The following GRM3 variants were observed in gnomAD, a reference collection of about 807,000 sequenced individuals.
GRM3 encodes the protein glutamate metabotropic receptor 3.
A neutral mutation model predicts 70.5 loss-of-function variants in GRM3; 26 were observed. The observed-to-expected ratio is 0.37, with a 90% CI of 0.27 to 0.51. GRM3 has a LOEUF of 0.51. Among genes scored for constraint, GRM3 ranks in the 20% least tolerant of loss-of-function variants. The pLI is 0.93. For missense variants in GRM3, 859 were observed against 1,123.8 expected (o/e 0.76, Z 3.37); for synonymous variants, 443 against 434.9 (o/e 1.02, Z -0.23).
chr7:86,725,663 A>G (rs886111852), intron 1 of GRM3, among the ~76,000 whole-genome samples: 2 of 152,028 alleles, frequency 1.3e-5, no homozygotes, highest in African/African-American at 2.4e-5. Context: ...TAGGCAAACA[A>G]TTTTCTCCTC....
At chr7:86,700,881 C>A (rs1007451815) in intron 1 of GRM3, among the ~76,000 whole-genome samples, 2 of 151,924 alleles carry the variant, frequency 1.3e-5, no homozygotes, top group African/African-American at 4.8e-5. Context: ...ACGTTAATAG[C>A]ATCAGTACCA....
intron 3 of GRM3, among the ~76,000 whole-genome samples, chr7:86,806,210 C>T (rs1797789051): frequency 6.6e-6 from 1 of 152,122 alleles, no homozygotes; most frequent in African/African-American, 2.4e-5. Flanking sequence ...AATTAACATA[C>T]ATGTGCATGT....
chr7:86,694,549 A>G (rs547307767), intron 1 of GRM3, among the ~76,000 whole-genome samples: 1 of 151,414 alleles, frequency 6.6e-6, no homozygotes, highest in South Asian at 2.1e-4. Context: ...AAAGAAAAGA[A>G]AGAAAGAAAA....
chr7:86,751,935 T>C (rs947380422), intron 1 of GRM3, among the ~76,000 whole-genome samples: 3 of 152,146 alleles, frequency 2.0e-5, no homozygotes, highest in African/African-American at 7.2e-5. Context: ...ATTTGTTATA[T>C]ACTGTCATTT....
intron 1 of GRM3, among the ~76,000 whole-genome samples, chr7:86,671,554 C>T (rs969028224): frequency 6.6e-6 from 1 of 152,144 alleles, no homozygotes; most frequent in South Asian, 2.1e-4. Context: ...TTACTCACCA[C>T]CTATCTATTA....
chr7:86,672,716 A>G (rs1330871881), intron 1 of GRM3, among the ~76,000 whole-genome samples: 1 of 152,024 alleles, frequency 6.6e-6, no homozygotes, highest in East Asian at 1.9e-4. Flanking sequence ...AAAGCATCAC[A>G]TTGTCTTGTT....
chr7:86,668,026 G>C (rs1237061112), intron 1 of GRM3, among the ~76,000 whole-genome samples: 1 of 152,132 alleles, frequency 6.6e-6, no homozygotes, highest in Admixed American at 6.6e-5. Context: ...TCTCCTGCAA[G>C]TCTGACCCCG....
At chr7:86,835,588 A>G (rs1281189398) in intron 3 of GRM3, among the ~76,000 whole-genome samples, 1 of 152,136 alleles carries the variant, frequency 6.6e-6, no homozygotes, top group African/African-American at 2.4e-5. Context: ...ACAAGCATTT[A>G]ATATGTTCAG....
intron 1 of GRM3, among the ~76,000 whole-genome samples, chr7:86,719,293 G>A (rs146785479): frequency 5.9e-5 from 9 of 151,936 alleles, no homozygotes; most frequent in Non-Finnish European, 1.0e-4. Flanking sequence ...AAACCAGTAG[G>A]CTATAAACAA....
chr7:86,679,599 T>C (rs1180698405), intron 1 of GRM3, among the ~76,000 whole-genome samples: 3 of 148,160 alleles, frequency 2.0e-5, no homozygotes, highest in East Asian at 1.9e-4. Flanking sequence ...CTCTTTATTA[T>C]GTACATCAGA....
chr7:86,806,557 G>C (rs1797797905), intron 3 of GRM3, among the ~76,000 whole-genome samples: 1 of 152,202 alleles, frequency 6.6e-6, no homozygotes, highest in Admixed American at 6.5e-5. Context: ...CTTTTGAGAA[G>C]TGTCTGTTCA....
intron 1 of GRM3, among the ~76,000 whole-genome samples, chr7:86,657,716 A>T (rs1404151137): frequency 6.6e-6 from 1 of 152,206 alleles, no homozygotes; most frequent in Non-Finnish European, 1.5e-5. Flanking sequence ...ATGAGTTGGC[A>T]GGTTATGGCA....
At chr7:86,763,718 G>A (rs999808517) in intron 1 of GRM3, among the ~76,000 whole-genome samples, 16 of 152,202 alleles carry the variant, frequency 1.1e-4, no homozygotes, top group South Asian at 4.2e-4. Flanking sequence ...ACAAAATGAG[G>A]AGTTGCCTCA....
At chr7:86,732,000 G>A (rs1318561388) in intron 1 of GRM3, among the ~76,000 whole-genome samples, 2 of 152,092 alleles carry the variant, frequency 1.3e-5, no homozygotes, top group East Asian at 3.9e-4. Context: ...CTAAGGTATT[G>A]AGGATTGGTA....
At chr7:86,763,129 C>T (rs1796520367) in intron 1 of GRM3, among the ~76,000 whole-genome samples, 2 of 152,246 alleles carry the variant, frequency 1.3e-5, no homozygotes, top group Middle Eastern at 3.4e-3. Context: ...CTAACATTTG[C>T]TAATTTATCT....
intron 1 of GRM3, among the ~76,000 whole-genome samples, chr7:86,759,890 T>G (rs1386008237): frequency 1.3e-5 from 2 of 152,156 alleles, no homozygotes; most frequent in South Asian, 4.1e-4. Flanking sequence ...ATATCTCCTA[T>G]TAAAAATGCC....
At chr7:86,732,075 C>A (rs148356438) in intron 1 of GRM3, among the ~76,000 whole-genome samples, 1 of 152,012 alleles carries the variant, frequency 6.6e-6, no homozygotes, top group Non-Finnish European at 1.5e-5. Context: ...GCTACTTTAA[C>A]GAAGCACTGA....
Position 86,796,079 on chromosome 7 carries a change from TG to T in GRM3, c.1324+8964del, listed in dbSNP as rs34478105. On this transcript the variant is annotated intron_variant, in intron 3 of 5. Transcript: ENST00000361669. ...CTCTTTAGTTTAATTAGATCTCATT[TG>T]TCAATTTTTGCTTTTGTGGCAATTG... 1.1e-3 allele frequency among the ~76,000 whole-genome samples: 161 copies of T among 152,374 alleles called. 1 individual carries two copies. The highest frequency in any genetic ancestry group is 3.8e-3 in the African/African-American group (160 of 41,594).
intron 3 of GRM3, among the ~76,000 whole-genome samples, chr7:86,809,959 T>C (rs1797876422): frequency 6.6e-6 from 1 of 152,000 alleles, no homozygotes; most frequent in African/African-American, 2.4e-5. Flanking sequence ...CAACTAACGA[T>C]TAAGGAAAGA....
Sources: allele counts gnomAD v4.1 joint callset (sites outside exome capture counted in the v4.1 genomes callset), GRCh38; gene constraint gnomAD v4.1.1; transcripts MANE v1.5; gene names NCBI Gene and HGNC (gene_info 2026-07-23, HGNC 2026-07-21).